The following ZBTB2 variants were observed in gnomAD, a reference collection of about 807,000 sequenced individuals.
ZBTB2 encodes the protein zinc finger and BTB domain-containing protein 2.
In ZBTB2, 2 loss-of-function variants were observed where a neutral mutation model predicts 39.5. The observed-to-expected ratio is 0.05, with a 90% CI of 0.02 to 0.16. The LOEUF is 0.16. Among genes scored for constraint, ZBTB2 ranks in the 10% least tolerant of loss-of-function variants. The pLI, the probability that ZBTB2 is intolerant of heterozygous loss-of-function variation, is 1.00. For synonymous variants in ZBTB2, 251 were observed against 256.6 expected (o/e 0.98, Z 0.21); for missense variants, 391 against 653.0 (o/e 0.60, Z 4.37).
At position 151,366,713 on chromosome 6, in the gene ZBTB2, G is replaced by T; in HGVS notation, c.353C>A (p.Ala118Asp). The change falls in exon 3 of 3, where the codon GCC becomes GAC. Residue 118 changes from alanine to aspartate, a missense_variant. Around this residue, in one of 7 missense-constraint regions of ZBTB2, gnomAD observed 175 missense variants for 198.6 expected, o/e 0.88. Coordinates refer to ENST00000325144, the MANE Select transcript of ZBTB2 (RefSeq NM_020861.3). The surrounding 1 kb of genome is among the most constrained non-coding windows in gnomAD (Gnocchi z 7.1). Reference sequence around the variant, plus strand: ...GAAAACTTGGTCAGGGTGAGAAAAGGCTCCCTGGCTGGCGAGGCTGGCTTC... The same window carrying T: ...GAAAACTTGGTCAGGGTGAGAAAAGTCTCCCTGGCTGGCGAGGCTGGCTTC... ...IQEASLASQG[A>D]FSHPDQVFPL... The T allele has an allele frequency of 3.1e-6, 5 of 1,614,146 alleles. No homozygotes were observed. The highest frequency in any genetic ancestry group is 4.2e-6 in the Non-Finnish European group (5 of 1,180,014).
chr6:151,376,690 A>G (rs1184412113), intron 1 of ZBTB2, among the ~76,000 whole-genome samples: 3 of 152,232 alleles, frequency 2.0e-5, no homozygotes, highest in Non-Finnish European at 4.4e-5. Context: ...AGAAACAGTC[A>G]CAACACATGG....
chr6:151,377,098 T>C (rs1018522599), intron 1 of ZBTB2, among the ~76,000 whole-genome samples: 1 of 149,666 alleles, frequency 6.7e-6, no homozygotes, highest in Non-Finnish European at 1.5e-5. Flanking sequence ...ATATACTGTA[T>C]GATAACACTG....
At chr6:151,384,317 A>G (rs1169887935) in intron 1 of ZBTB2, among the ~76,000 whole-genome samples, 1 of 152,190 alleles carries the variant, frequency 6.6e-6, no homozygotes. Context: ...GGATGACTTG[A>G]TAAGATCTCT....
intron 1 of ZBTB2, among the ~76,000 whole-genome samples, chr6:151,387,137 T>C (rs747048728): frequency 6.6e-6 from 1 of 152,214 alleles, no homozygotes; most frequent in Non-Finnish European, 1.5e-5. Flanking sequence ...CAGTCCTCTT[T>C]TATATTATAC....
At chr6:151,379,488 A>G (rs1287850108) in intron 1 of ZBTB2, among the ~76,000 whole-genome samples, 2 of 151,884 alleles carry the variant, frequency 1.3e-5, no homozygotes, top group Admixed American at 1.3e-4. Context: ...TAAAAAATTT[A>G]AAAAATAGCC....
intron 2 of ZBTB2, 130 bp downstream of exon 2, chr6:151,373,335 G>C: frequency 3.1e-6 from 3 of 955,324 alleles, no homozygotes; most frequent in Non-Finnish European, 4.7e-6. Flanking sequence ...GTGGGGGCGA[G>C]TGAGGCCACA....
intron 1 of ZBTB2, among the ~76,000 whole-genome samples, chr6:151,375,785 C>T (rs1425580633): frequency 6.6e-6 from 1 of 151,994 alleles, no homozygotes; most frequent in Non-Finnish European, 1.5e-5. Flanking sequence ...GCTATGCTGG[C>T]CTCGAACTCC....
intron 1 of ZBTB2, among the ~76,000 whole-genome samples, chr6:151,389,130 C>T (rs527712239): frequency 8.5e-5 from 13 of 152,270 alleles, no homozygotes; most frequent in Admixed American, 3.3e-4. Context: ...CCTTTAAAAA[C>T]TGCCTTCTTG....
At chr6:151,388,860 C>T (rs1450260574) in intron 1 of ZBTB2, among the ~76,000 whole-genome samples, 1 of 152,212 alleles carries the variant, frequency 6.6e-6, no homozygotes. Flanking sequence ...AACGTATTTA[C>T]ATCCCCTTTG....
chr6:151,369,790 T>G (rs1320302385), intron 2 of ZBTB2, among the ~76,000 whole-genome samples: 1 of 152,082 alleles, frequency 6.6e-6, no homozygotes, highest in Admixed American at 6.5e-5. Flanking sequence ...CTGGCCAACA[T>G]GGCAAAACCC....
chr6:151,382,989 G>A lies in ZBTB2; in HGVS notation c.-13+8431C>T, dbSNP rs538890210. Among the ~76,000 whole-genome samples, 49 of 149,262 alleles carry A rather than the reference G, an allele frequency of 3.3e-4. No homozygotes were observed. The South Asian group carries it at 9.7e-3, about 30-fold the overall frequency. ...TGCTCTGGCTGGAGTGCAGTGGTGT[G>A]ATCTCAGCTCACTTCAACCTCTGCC... On this transcript the variant is annotated intron_variant, in intron 1 of 2. Transcript: ENST00000325144.
chr6:151,376,906 A>G (rs1407049380), intron 1 of ZBTB2, among the ~76,000 whole-genome samples: 1 of 152,230 alleles, frequency 6.6e-6, no homozygotes, highest in Non-Finnish European at 1.5e-5. Flanking sequence ...TGTCCATAGC[A>G]GCTTAATTCC....
intron 1 of ZBTB2, among the ~76,000 whole-genome samples, chr6:151,385,126 A>G (rs900385819): frequency 6.6e-6 from 1 of 152,224 alleles, no homozygotes; most frequent in Non-Finnish European, 1.5e-5. Flanking sequence ...GAAAAGTAGC[A>G]CAGGAGAGAG....
chr6:151,388,524 G>A (rs1779212825), intron 1 of ZBTB2, among the ~76,000 whole-genome samples: 1 of 152,170 alleles, frequency 6.6e-6, no homozygotes, highest in African/African-American at 2.4e-5. Context: ...TGGGGTTGGG[G>A]TGAATACATT....
Position 151,365,362 on chromosome 6 carries a change from C to A in ZBTB2, c.*159G>T. 1 of 768,746 alleles carries A rather than the reference C, an allele frequency of 1.3e-6. No individual in the cohort carries two copies. The highest frequency in any genetic ancestry group is 2.1e-6 in the Non-Finnish European group (1 of 486,316). The allele number at this position is 768,746 out of a possible 1,614,324, so 47.6% of individuals were successfully genotyped here. A position where few individuals can be genotyped will look rare whatever the true frequency, so the allele number is the denominator to read the frequency against. On this transcript the variant is annotated 3_prime_UTR_variant, in exon 3 of 3. Coordinates refer to ENST00000325144, the MANE Select transcript of ZBTB2 (RefSeq NM_020861.3). The surrounding 1 kb of genome is among the most constrained non-coding windows in gnomAD (Gnocchi z 5.6). Reference sequence around the variant, plus strand: ...CATTCCAGGTTTATAATGCACAAAGCCTTTACAGAGGTGGGGCTGGGATGT... The same window carrying A: ...CATTCCAGGTTTATAATGCACAAAGACTTTACAGAGGTGGGGCTGGGATGT...
rs748892409 is a variant in ZBTB2 at position 151,366,167 on chromosome 6, G to C, written c.899C>G (p.Ala300Gly). ...TTCCATGGCATCTTTCCCGAGGTCA[G>C]CTGCATTGCTACAGAGAGTCAGGGG... ...RVPLTLCSNA[A>G]DLGKDAMEVP... The change falls in exon 3 of 3, where the codon GCT becomes GGT. Residue 300 changes from alanine to glycine, a missense_variant. Transcript: ENST00000325144. The surrounding 1 kb of genome is among the most constrained non-coding windows in gnomAD (Gnocchi z 7.1). 1 of 1,614,180 alleles carries C rather than the reference G, an allele frequency of 6.2e-7. No homozygotes were observed. The highest frequency in any genetic ancestry group is 8.5e-7 in the Non-Finnish European group (1 of 1,180,040).
intron 2 of ZBTB2, among the ~76,000 whole-genome samples, chr6:151,371,610 C>T (rs1778790582): frequency 6.6e-6 from 1 of 152,058 alleles, no homozygotes; most frequent in Non-Finnish European, 1.5e-5. Context: ...GCAGATGAGA[C>T]TAGAAGGAGG....
chr6:151,365,456 A>G lies in ZBTB2; in HGVS notation c.*65T>C. 1 of 1,525,732 alleles carries G rather than the reference A, an allele frequency of 6.6e-7. No homozygotes were observed. The highest frequency in any genetic ancestry group is 8.8e-7 in the Non-Finnish European group (1 of 1,135,960). 94.5% of individuals were successfully genotyped at this position (1,525,732 alleles called of 1,614,324 possible). A position where few individuals can be genotyped will look rare whatever the true frequency, so the allele number is the denominator to read the frequency against. On this transcript the variant is annotated 3_prime_UTR_variant, in exon 3 of 3. Transcript: ENST00000325144. The surrounding 1 kb of genome is among the most constrained non-coding windows in gnomAD (Gnocchi z 5.6). Reference sequence around the variant, plus strand: ...ATGCCATGGAGAACTACAGTTCTGAATTCAGGGAAGGGAGGGAAGATAGTC... The same window carrying G: ...ATGCCATGGAGAACTACAGTTCTGAGTTCAGGGAAGGGAGGGAAGATAGTC...
chr6:151,384,057 G>C (rs1470260916), intron 1 of ZBTB2, among the ~76,000 whole-genome samples: 1 of 152,164 alleles, frequency 6.6e-6, no homozygotes, highest in Admixed American at 6.5e-5. Context: ...TGAGTTTCTA[G>C]TTATCCTAGA....
Sources: gnomAD v4.1 joint callset for allele counts (sites outside exome capture counted in the v4.1 genomes callset) on GRCh38, gnomAD v4.1.1 for gene constraint, gnomAD v4.1.1 regional missense constraint, Gnocchi (gnomAD v3.1) non-coding constraint, MANE v1.5 for transcripts, NCBI Gene and HGNC (gene_info 2026-07-23, HGNC 2026-07-21) for gene names.